The following GALNT18 variants were observed in gnomAD, a reference collection of about 807,000 sequenced individuals.
GALNT18 encodes the protein polypeptide N-acetylgalactosaminyltransferase 18.
In GALNT18, 44 loss-of-function variants were observed where a neutral mutation model predicts 69.5. That is an observed-to-expected ratio of 0.63 (90% CI 0.50 to 0.81). The LOEUF is 0.81. Ranked by LOEUF, GALNT18 falls within the 40% of genes least tolerant of loss-of-function variation. The pLI is 0.00. For synonymous variants in GALNT18, 364 were observed against 318.2 expected, an observed-to-expected ratio of 1.14 and a Z score of -1.53; for missense variants, 715 against 810.0, an observed-to-expected ratio of 0.88 and a Z score of 1.42.
chr11:11,340,782 A>G lies in GALNT18; in HGVS notation c.1278+37T>C. 1.9e-6 allele frequency: 3 copies of G among 1,555,182 alleles called. No homozygotes were observed. Among genetic ancestry groups the G allele is most frequent in the African/African-American group, 1.4e-5 (1 of 72,840 alleles). On this transcript the variant is annotated intron_variant, in intron 7 of 10. Transcript: ENST00000227756. This position sits in a 1 kb window ranked among gnomAD's most constrained non-coding sequence, Gnocchi z 4.2. ...TATCTTGTTTTGTTTGTTTTCCACC[A>G]ATCCCCGAGAAACTCATCCCTACCG...
At chr11:11,333,202 G>T (rs1333434890) in intron 7 of GALNT18, among the ~76,000 whole-genome samples, 1 of 152,042 alleles carries the variant, frequency 6.6e-6, no homozygotes, top group East Asian at 1.9e-4. Flanking sequence ...GAGCTTTAAG[G>T]TGAGAGAGAG....
intron 1 of GALNT18, among the ~76,000 whole-genome samples, chr11:11,485,284 G>T (rs1164469574): frequency 6.6e-6 from 1 of 152,156 alleles, no homozygotes; most frequent in African/African-American, 2.4e-5. Context: ...TTCAGATGCT[G>T]CTTGCAAGTA....
chr11:11,279,273 TTTC>T (rs1849015544), intron 10 of GALNT18, among the ~76,000 whole-genome samples: 1 of 150,998 alleles, frequency 6.6e-6, no homozygotes, highest in Non-Finnish European at 1.5e-5. Context: ...TTTTCTTTAA[TTTC>T]TTTGTAGCAA....
intron 10 of GALNT18, among the ~76,000 whole-genome samples, chr11:11,287,745 A>G (rs951761407): frequency 6.6e-6 from 1 of 152,174 alleles, no homozygotes; most frequent in African/African-American, 2.4e-5. Context: ...CACTTCTAAT[A>G]TTATGAAGTT....
At chr11:11,350,012 G>A (rs1408483719) in intron 6 of GALNT18, among the ~76,000 whole-genome samples, 2 of 152,218 alleles carry the variant, frequency 1.3e-5, no homozygotes, top group Non-Finnish European at 2.9e-5. Flanking sequence ...ACAAACAGTT[G>A]AAGCAGTTCC....
chr11:11,282,654 A>C (rs781480252), intron 10 of GALNT18, among the ~76,000 whole-genome samples: 1 of 152,148 alleles, frequency 6.6e-6, no homozygotes, highest in Non-Finnish European at 1.5e-5. Flanking sequence ...TGGTGCCCCA[A>C]TGCCTAGGGT....
Position 11,614,647 on chromosome 11 carries a change from C to T in GALNT18, c.235+6712G>A, listed in dbSNP as rs1308374660. Among the ~76,000 whole-genome samples the T allele has an allele frequency of 1.3e-5, 2 of 152,170 alleles. No individual in the cohort carries two copies. Among genetic ancestry groups the T allele is most frequent in the Non-Finnish European group, 2.9e-5 (2 of 68,034 alleles). ...CTATACGATGGTAATGAAGACGCTC[C>T]AGTAACCCTGTTTGTGACTCTGAAT... On this transcript the variant is annotated intron_variant, in intron 1 of 10. Coordinates refer to ENST00000227756, the MANE Select transcript of GALNT18 (RefSeq NM_198516.3). The surrounding 1 kb of genome is among the most constrained non-coding windows in gnomAD (Gnocchi z 5.6).
rs368785952 is a variant in GALNT18, at chr11:11,275,932, G to A, written c.1678-4642C>T. On this transcript the variant is annotated intron_variant, in intron 10 of 10. Transcript: ENST00000227756. ...CCAGTACCATGCTGTTTTGGTTACTGTAGCCTTGTAGTATAGTTTGAAGTT... is the reference window on the plus strand; with the variant it reads ...CCAGTACCATGCTGTTTTGGTTACTATAGCCTTGTAGTATAGTTTGAAGTT... 7.2e-5 allele frequency among the ~76,000 whole-genome samples: 11 copies of A among 152,190 alleles called. No homozygotes were observed. The East Asian group carries it at 1.5e-3, about 21-fold the overall frequency.
In GALNT18 at chr11:11,332,017, T is replaced by C. The variant is rs1258863887; in HGVS notation, c.1416+677A>G. Among the ~76,000 whole-genome samples, 5 of 152,102 alleles carry C rather than the reference T, an allele frequency of 3.3e-5. No homozygotes were observed. The highest frequency in any genetic ancestry group is 1.2e-4 in the African/African-American group (5 of 41,416). ...CATATCTACAAATCTTAGATTTTCT[T>C]TTACTCTACGGGGATAGTATTGAAT... On this transcript the variant is annotated intron_variant, in intron 8 of 10. Coordinates refer to ENST00000227756, the MANE Select transcript of GALNT18 (RefSeq NM_198516.3). The surrounding 1 kb of genome is among the most constrained non-coding windows in gnomAD (Gnocchi z 4.3).
intron 2 of GALNT18, among the ~76,000 whole-genome samples, chr11:11,437,988 G>A: frequency 6.6e-6 from 1 of 152,150 alleles, no homozygotes; most frequent in East Asian, 1.9e-4. Context: ...TTTTCCTGGA[G>A]AGTCCCTCCT....
chr11:11,526,019 T>G (rs1198733369), intron 1 of GALNT18, among the ~76,000 whole-genome samples: 1 of 152,188 alleles, frequency 6.6e-6, no homozygotes, highest in Non-Finnish European at 1.5e-5. Flanking sequence ...AACTTCCATC[T>G]GCCTGGAGTG....
At chr11:11,425,841 C>G (rs935792842) in intron 3 of GALNT18, among the ~76,000 whole-genome samples, 1 of 152,196 alleles carries the variant, frequency 6.6e-6, no homozygotes, top group African/African-American at 2.4e-5. Context: ...ACTGAAAGAA[C>G]GAAGCAATGA....
chr11:11,541,838 C>T lies in GALNT18; in HGVS notation c.235+79521G>A, dbSNP rs563932939. 4.5e-4 allele frequency among the ~76,000 whole-genome samples: 68 copies of T among 152,290 alleles called. No individual in the cohort carries two copies. Among genetic ancestry groups the T allele is most frequent in the African/African-American group, 1.4e-3 (57 of 41,568 alleles). ...ACAAGCCAAGCCCAGAAGCCTCTCC[C>T]GAAGAGTGAGCAGGTTGCTTTCCCT... On this transcript the variant is annotated intron_variant, in intron 1 of 10. Transcript: ENST00000227756. The surrounding 1 kb of genome is among the most constrained non-coding windows in gnomAD (Gnocchi z 4.8).
chr11:11,401,748 T>C (rs1854472527), intron 3 of GALNT18, among the ~76,000 whole-genome samples: 4 of 152,338 alleles, frequency 2.6e-5, no homozygotes, highest in Non-Finnish European at 1.5e-5. Context: ...GAACCTTAGA[T>C]TGCCTGTGTG....
At chr11:11,425,060 C>G (rs1769650509) in intron 3 of GALNT18, among the ~76,000 whole-genome samples, 1 of 152,226 alleles carries the variant, frequency 6.6e-6, no homozygotes, top group Non-Finnish European at 1.5e-5. Context: ...TGGCAGGTTT[C>G]TGCCCAATGT....
chr11:11,419,207 C>T (rs1384376151), intron 3 of GALNT18, among the ~76,000 whole-genome samples: 2 of 152,206 alleles, frequency 1.3e-5, no homozygotes, highest in East Asian at 1.9e-4. Context: ...GAAAAACTAG[C>T]CTTCTGTTAG....
chr11:11,422,230 C>T (rs1304671420), intron 3 of GALNT18, among the ~76,000 whole-genome samples: 2 of 152,220 alleles, frequency 1.3e-5, no homozygotes, highest in African/African-American at 4.8e-5. Context: ...TGCTGCTGGA[C>T]ACCACCAGAG....
In GALNT18 at chr11:11,270,891, T is replaced by C. The variant is rs1848811121; in HGVS notation, c.*253A>G. 5.5e-6 allele frequency: 2 copies of C among 366,304 alleles called. No homozygotes were observed. The highest frequency in any genetic ancestry group is 4.9e-6 in the Non-Finnish European group (1 of 202,506). The allele number at this position is 366,304 out of a possible 1,614,324, so 22.7% of individuals were successfully genotyped here. A position where few individuals can be genotyped will look rare whatever the true frequency, so the allele number is the denominator to read the frequency against. On this transcript the variant is annotated 3_prime_UTR_variant, in exon 11 of 11. Transcript: ENST00000227756. ...CTGCAAAACCCTTTTCTTAATAATA[T>C]TTTATTGTCAGTTATAAATATTTTC...
chr11:11,493,431 A>C (rs919668931), intron 1 of GALNT18, among the ~76,000 whole-genome samples: 1 of 152,154 alleles, frequency 6.6e-6, no homozygotes, highest in African/African-American at 2.4e-5. Flanking sequence ...TTTCGTGACC[A>C]GCTCAACCTT....
Sources: allele counts gnomAD v4.1 joint callset (sites outside exome capture counted in the v4.1 genomes callset), GRCh38; gene constraint gnomAD v4.1.1; non-coding constraint Gnocchi (gnomAD v3.1); transcripts MANE v1.5; gene names NCBI Gene and HGNC (gene_info 2026-07-23, HGNC 2026-07-21).